Variants in MAML2 observed in about 807,000 individuals in gnomAD.
MAML2 encodes the protein mastermind-like protein 2.
Under a neutral mutation model 96.1 loss-of-function variants are expected in MAML2, and 22 were observed. The observed-to-expected ratio is 0.23, with a 90% confidence interval of 0.16 to 0.33. The LOEUF (loss-of-function observed/expected upper bound fraction) is 0.33. MAML2 is among the 10% of genes least tolerant of loss of function. The probability of loss-of-function intolerance (pLI) is 1.00; values close to 1 mark genes in which losing one functional copy is unlikely to be tolerated. For missense variants in MAML2, 1,367 were observed against 1,392.4 expected, an observed-to-expected ratio of 0.98 and a Z score of 0.29; for synonymous variants, 561 against 521.3, an observed-to-expected ratio of 1.08 and a Z score of -1.04.
At chr11:96,202,177 CAAAAAAAAAAAAAAAAAAAA>C (rs35124521) in intron 1 of MAML2, among the ~76,000 whole-genome samples, 1 of 75,874 alleles carries the variant, frequency 1.3e-5, no homozygotes, top group Non-Finnish European at 2.4e-5. Context: ...ACTAAAAATA[CAAAAAAAAAAAAAAAAAAAA>C]AAAATTAGCC....
At chr11:96,156,253 G>T (rs1199320913) in intron 1 of MAML2, among the ~76,000 whole-genome samples, 1 of 152,178 alleles carries the variant, frequency 6.6e-6, no homozygotes, top group Non-Finnish European at 1.5e-5. Flanking sequence ...GATGGCTCAT[G>T]CTGGCCCTGT....
intron 1 of MAML2, among the ~76,000 whole-genome samples, chr11:96,199,909 G>T (rs530787665): frequency 6.6e-6 from 1 of 152,246 alleles, no homozygotes; most frequent in East Asian, 1.9e-4. Flanking sequence ...CAATTTGGAC[G>T]AATGCCAAAA....
chr11:96,056,784 C>G (rs927508456), intron 2 of MAML2, among the ~76,000 whole-genome samples: 9 of 152,144 alleles, frequency 5.9e-5, no homozygotes, highest in Non-Finnish European at 1.2e-4. Flanking sequence ...TTCTCATTTG[C>G]GTATGTGTAG....
chr11:96,013,114 G>C (rs945304558), intron 2 of MAML2, among the ~76,000 whole-genome samples: 5 of 152,152 alleles, frequency 3.3e-5, no homozygotes, highest in African/African-American at 1.2e-4. Flanking sequence ...AAAAGAGAGA[G>C]TTATGAGATA....
rs536487668 is a variant in MAML2, at chr11:96,214,987, G to A, written c.514-121470C>T. Among the ~76,000 whole-genome samples the A allele has an allele frequency of 7.7e-4, 117 of 152,336 alleles. 1 individual carries two copies. The highest frequency in any genetic ancestry group is 1.3e-3 in the Non-Finnish European group (87 of 68,038). On this transcript the variant is annotated intron_variant, in intron 1 of 4. Coordinates refer to ENST00000524717, the MANE Select transcript of MAML2 (RefSeq NM_032427.4). ...CGTCTAGTTGACCTTGGATACTTGA[G>A]ATTGGGTCCAGTGGTTCCCTCACTT...
intron 1 of MAML2, among the ~76,000 whole-genome samples, chr11:96,299,052 A>T (rs1447630024): frequency 2.7e-5 from 1 of 37,460 alleles, no homozygotes; most frequent in East Asian, 9.8e-4. Context: ...CTCAAAAAAA[A>T]AAAAAAAAAT....
At chr11:95,985,748 C>A in intron 3 of MAML2, 106 bp from the exon 4 acceptor site, 1 of 676,198 alleles carries the variant, frequency 1.5e-6, no homozygotes, top group Non-Finnish European at 2.5e-6. Context: ...AACAATTTTG[C>A]AATCATGGGT....
chr11:96,341,133 C>G (rs1462680349), intron 1 of MAML2, among the ~76,000 whole-genome samples: 1 of 152,098 alleles, frequency 6.6e-6, no homozygotes, highest in Non-Finnish European at 1.5e-5. Flanking sequence ...CAGAGAGCCT[C>G]TGGAAAACTC....
chr11:96,124,522 C>T (rs1860405939), intron 1 of MAML2, among the ~76,000 whole-genome samples: 2 of 152,222 alleles, frequency 1.3e-5, no homozygotes, highest in Admixed American at 1.3e-4. Context: ...ATAACACTTA[C>T]TTTACCTAAC....
chr11:96,179,400 C>T (rs146072954), intron 1 of MAML2, among the ~76,000 whole-genome samples: 1 of 152,242 alleles, frequency 6.6e-6, no homozygotes, highest in East Asian at 1.9e-4. Flanking sequence ...CTTTACCTTC[C>T]AGTCCTTCCT....
At chr11:96,218,186 T>C (rs1312326503) in intron 1 of MAML2, among the ~76,000 whole-genome samples, 1 of 152,242 alleles carries the variant, frequency 6.6e-6, no homozygotes, top group Non-Finnish European at 1.5e-5. Flanking sequence ...TTTTGAATTT[T>C]TCCACAGCAG....
At chr11:96,314,654 CT>C (rs892173979) in intron 1 of MAML2, among the ~76,000 whole-genome samples, 67 of 145,766 alleles carry the variant, frequency 4.6e-4, no homozygotes, top group African/African-American at 1.7e-3. Context: ...GGCAGCTTAA[CT>C]TTTTTTCCCC....
At chr11:96,184,134 A>G (rs12273378) in intron 1 of MAML2, among the ~76,000 whole-genome samples, 2,588 of 152,290 alleles carry the variant, frequency 0.017, 74 homozygotes, top group African/African-American at 0.058. Context: ...AAAGCCCTAA[A>G]AAGCAACATT....
At chr11:96,034,456 A>AGAGAGAGAGAGAGAGTGT (rs766634690) in intron 2 of MAML2, among the ~76,000 whole-genome samples, 1 of 144,734 alleles carries the variant, frequency 6.9e-6, no homozygotes, top group African/African-American at 2.6e-5. Flanking sequence ...AGAGAGAGAG[A>AGAGAGAGAGAGAGAGTGT]GTGTGTGTGT....
chr11:96,172,922 C>A (rs1032166031), intron 1 of MAML2, among the ~76,000 whole-genome samples: 1 of 152,172 alleles, frequency 6.6e-6, no homozygotes, highest in African/African-American at 2.4e-5. Context: ...ATGTAGAACA[C>A]CACACACTGA....
chr11:96,035,676 C>A (rs866430024), intron 2 of MAML2, among the ~76,000 whole-genome samples: 35 of 152,252 alleles, frequency 2.3e-4, no homozygotes, highest in Middle Eastern at 3.4e-3. Context: ...CTGTGCTTTC[C>A]CATTTTTTGG....
intron 1 of MAML2, among the ~76,000 whole-genome samples, chr11:96,236,039 T>C (rs1487553941): frequency 6.6e-6 from 1 of 152,226 alleles, no homozygotes; most frequent in Non-Finnish European, 1.5e-5. Context: ...CCTCTGTCGC[T>C]CTGGGACCCT....
intron 1 of MAML2, among the ~76,000 whole-genome samples, chr11:96,330,866 G>T (rs1362965020): frequency 6.6e-6 from 1 of 152,200 alleles, no homozygotes; most frequent in Non-Finnish European, 1.5e-5. Context: ...AAGTCACGAG[G>T]CCAATCGAGA....
intron 1 of MAML2, among the ~76,000 whole-genome samples, chr11:96,134,768 C>A (rs1225543886): frequency 6.6e-6 from 1 of 152,114 alleles, no homozygotes; most frequent in Admixed American, 6.5e-5. Flanking sequence ...GAGGGGTAAA[C>A]AGAAATGGTT....
Sources: allele counts gnomAD v4.1 joint callset (sites outside exome capture counted in the v4.1 genomes callset), GRCh38; gene constraint gnomAD v4.1.1; transcripts MANE v1.5; gene names NCBI Gene and HGNC (gene_info 2026-07-23, HGNC 2026-07-21).